The following HEPACAM variants were observed in gnomAD, a reference collection of about 807,000 sequenced individuals.
The protein encoded by HEPACAM is hepatic and glial cell adhesion molecule, also known as hepatocyte cell adhesion molecule.
Under a neutral mutation model 38.3 loss-of-function variants are expected in HEPACAM, and 18 were observed. The observed-to-expected ratio is 0.47, with a 90% confidence interval of 0.33 to 0.70. The LOEUF (loss-of-function observed/expected upper bound fraction) is 0.70, where lower values mean the gene tolerates loss of function less well. Among genes scored for constraint, HEPACAM ranks in the 30% least tolerant of loss-of-function variants. The probability of loss-of-function intolerance (pLI) is 0.03; values close to 1 mark genes in which losing one functional copy is unlikely to be tolerated. For missense variants in HEPACAM, 466 were observed against 563.0 expected (o/e 0.83, Z 1.74); for synonymous variants, 216 against 243.1 (o/e 0.89, Z 1.04).
chr11:124,921,464 G>T lies in HEPACAM; in HGVS notation c.949-24C>A. On this transcript the variant is annotated intron_variant, in intron 6 of 6. Transcript: ENST00000298251. This position sits in a 1 kb window ranked among gnomAD's most constrained non-coding sequence, Gnocchi z 4.6. The stretch of plus-strand genomic sequence containing the variant: ...TCCTGCAAGGACACGCGCCGCAGGG[G>T]TCAGGGGACAGTCAGCCCAGCCTGG... 1 of 1,244,074 alleles carries T rather than the reference G, an allele frequency of 8.0e-7. No individual in the cohort carries two copies. Among genetic ancestry groups the T allele is most frequent in the Non-Finnish European group, 1.0e-6 (1 of 990,726 alleles). The allele number at this position is 1,244,074 out of a possible 1,614,324, so 77.1% of individuals were successfully genotyped here. A position where few individuals can be genotyped will look rare whatever the true frequency, so the allele number is the denominator to read the frequency against.
chr11:124,929,509 CAGAA>C (rs1947258447), intron 1 of HEPACAM, among the ~76,000 whole-genome samples: 2 of 152,226 alleles, frequency 1.3e-5, no homozygotes, highest in South Asian at 4.2e-4. Flanking sequence ...AAGCACGACA[CAGAA>C]ATGAGGAAAT....
At chr11:124,927,600 C>T (rs147182021) in intron 1 of HEPACAM, among the ~76,000 whole-genome samples, 1 of 147,068 alleles carries the variant, frequency 6.8e-6, no homozygotes, top group African/African-American at 2.5e-5. Context: ...AACTCCTGAG[C>T]TCAAGCAATC....
chr11:124,920,036 T>C lies in HEPACAM; in HGVS notation c.*1102A>G. 1.2e-6 allele frequency: 2 copies of C among 1,606,702 alleles called. No homozygotes were observed. Among genetic ancestry groups the C allele is most frequent in the Non-Finnish European group, 1.7e-6 (2 of 1,176,144 alleles). ...AGTGTGATTAGGGAGTCTGCCCTTT[T>C]TCTGTGCCCTGGGACCTGAGCATGT... On this transcript the variant is annotated 3_prime_UTR_variant, in exon 7 of 7. Coordinates refer to ENST00000298251, the MANE Select transcript of HEPACAM (RefSeq NM_152722.5).
In HEPACAM at chr11:124,920,396, G is replaced by A; in HGVS notation, c.*742C>T. 1 of 1,548,418 alleles carries A rather than the reference G, an allele frequency of 6.5e-7. No individual in the cohort carries two copies. Reference sequence around the variant, plus strand: ...ATGAACAGAGACAGAAAGAGTGCTTGGCATGGCATGCCTCCGAGGGAGGCT... The same window carrying A: ...ATGAACAGAGACAGAAAGAGTGCTTAGCATGGCATGCCTCCGAGGGAGGCT... On this transcript the variant is annotated 3_prime_UTR_variant, in exon 7 of 7. Transcript: ENST00000298251.
intron 1 of HEPACAM, among the ~76,000 whole-genome samples, chr11:124,930,205 A>G (rs569324631): frequency 2.5e-4 from 38 of 152,344 alleles, no homozygotes; most frequent in Admixed American, 2.3e-3. Flanking sequence ...CCTAAAAGGA[A>G]AACATATTGT....
rs778336381 is a variant in HEPACAM at position 124,924,834 on chromosome 11, C to T, written c.321G>A (p.Leu107=). The change falls in exon 2 of 7, where the codon CTG becomes CTA. Residue 107 remains leucine (L), a synonymous_variant. Coordinates refer to ENST00000298251, the MANE Select transcript of HEPACAM (RefSeq NM_152722.5). The surrounding 1 kb of genome is among the most constrained non-coding windows in gnomAD (Gnocchi z 4.4). ...CGGCCAGCTGCAGGTCGCTGAGAAG[C>T]AGGGAGCCATTTTCAAAGAGTCGGA... ...DRIRLFENGS[L]LLSDLQLADE... 6.2e-7 allele frequency: 1 copy of T among 1,614,182 alleles called. No individual in the cohort carries two copies.
At chr11:124,931,333 A>G (rs1277348599) in intron 1 of HEPACAM, among the ~76,000 whole-genome samples, 2 of 152,126 alleles carry the variant, frequency 1.3e-5, no homozygotes, top group African/African-American at 4.8e-5. Flanking sequence ...TCAACCTCCC[A>G]AGTAGCTGGG....
intron 1 of HEPACAM, among the ~76,000 whole-genome samples, chr11:124,930,309 T>C (rs1232241229): frequency 6.6e-6 from 1 of 152,206 alleles, no homozygotes; most frequent in Non-Finnish European, 1.5e-5. Flanking sequence ...GCATCACTTA[T>C]TGTGTGGATG....
In HEPACAM at chr11:124,924,884, G is replaced by A; in HGVS notation, c.271C>T (p.Leu91=). The change falls in exon 2 of 7, where the codon CTG becomes TTG. Residue 91 remains leucine (L), a synonymous_variant. Coordinates refer to ENST00000298251, the MANE Select transcript of HEPACAM (RefSeq NM_152722.5). This position sits in a 1 kb window ranked among gnomAD's most constrained non-coding sequence, Gnocchi z 4.4. ...ATACGGTCTCGATAGTCAGGCCGCA[G>A]GGTGCCGATGACCTCTGTGCCAATG... ...QSIGTEVIGT[L]RPDYRDRIRL... The A allele has an allele frequency of 1.2e-6, 2 of 1,614,200 alleles. No individual in the cohort carries two copies. Among genetic ancestry groups the A allele is most frequent in the Non-Finnish European group, 1.7e-6 (2 of 1,180,034 alleles).
rs1947096743 is a variant in HEPACAM, at chr11:124,919,669, T to C, written c.*1469A>G. The stretch of plus-strand genomic sequence containing the variant: ...GGACAGGGAGCTGAGACAGGCATGC[T>C]GTGGGGTTCAGGGCAGAGGGGGCAA... On this transcript the variant is annotated 3_prime_UTR_variant, in exon 7 of 7. Transcript: ENST00000298251. The C allele has an allele frequency of 1.0e-5, 15 of 1,481,298 alleles. No homozygotes were observed. The highest frequency in any genetic ancestry group is 4.8e-4 in the Middle Eastern group (2 of 4,156). The allele number at this position is 1,481,298 out of a possible 1,614,324, so 91.8% of individuals were successfully genotyped here.
rs569533449 is a variant in HEPACAM at position 124,924,780 on chromosome 11, G to A, written c.375C>T (p.Ser125=). The A allele has an allele frequency of 1.2e-5, 20 of 1,614,160 alleles. No homozygotes were observed. In the African/African-American group the frequency reaches 2.4e-4, roughly 19 times the overall value. The change falls in exon 2 of 7, where the codon TCC becomes TCT. Residue 125 remains serine, a synonymous_variant. Transcript: ENST00000298251. This position sits in a 1 kb window ranked among gnomAD's most constrained non-coding sequence, Gnocchi z 4.4. ...ADEGTYEVEI[S]ITDDTFTGEK... The stretch of plus-strand genomic sequence containing the variant: ...CCCCAGTGAAGGTGTCGTCGGTGAT[G>A]GAGATCTCGACCTCATAGGTGCCCT...
rs556166086 is a variant in HEPACAM, at chr11:124,931,216, T to C, written c.85+4706A>G. ...TAATGGAAATACAATTTTAAACTTCTTTTTTTTCAGTGACAAGGTGTCACC... is the reference window on the plus strand; with the variant it reads ...TAATGGAAATACAATTTTAAACTTCCTTTTTTTCAGTGACAAGGTGTCACC... On this transcript the variant is annotated intron_variant, in intron 1 of 6. Transcript: ENST00000298251. Among the ~76,000 whole-genome samples, 5 of 152,178 alleles carry C rather than the reference T, an allele frequency of 3.3e-5. No homozygotes were observed. The East Asian group carries it at 5.8e-4, about 18-fold the overall frequency.
Position 124,922,443 on chromosome 11 carries a change from C to T in HEPACAM, c.893G>A (p.Arg298Gln), listed in dbSNP as rs1464489453. Residue 298 changes from arginine to glutamine, a missense_variant, in exon 6 of 7, where the codon CGA becomes CAA. Transcript: ENST00000298251. ...RLKPEADTLP[R>Q]SGEQERKNPM... is the part of the protein sequence containing the mutation. ...GTTCTTCCGTTCCTGCTCACCACTTCGAGGGAGGGTGTCTGCTGCACAGGG... is the reference window on the plus strand; with the variant it reads ...GTTCTTCCGTTCCTGCTCACCACTTTGAGGGAGGGTGTCTGCTGCACAGGG... 3.1e-6 allele frequency: 5 copies of T among 1,614,010 alleles called. No homozygotes were observed. The highest frequency in any genetic ancestry group is 1.1e-5 in the South Asian group (1 of 91,086).
chr11:124,935,135 A>C (rs1483685346), intron 1 of HEPACAM, among the ~76,000 whole-genome samples: 1 of 151,956 alleles, frequency 6.6e-6, no homozygotes, highest in Non-Finnish European at 1.5e-5. Context: ...CCTGTGTCCT[A>C]CCCTACCAAC....
rs534501732 is a variant in HEPACAM, at chr11:124,921,410, G to A, written c.979C>T (p.Pro327Ser). The A allele has an allele frequency of 4.7e-6, 6 of 1,270,818 alleles. No individual in the cohort carries two copies. Among genetic ancestry groups the A allele is most frequent in the African/African-American group, 3.1e-5 (2 of 65,124 alleles). 78.7% of individuals were successfully genotyped at this position (1,270,818 alleles called of 1,614,324 possible). A position where few individuals can be genotyped will look rare whatever the true frequency, so the allele number is the denominator to read the frequency against. The change falls in exon 7 of 7, where the codon CCG (proline) becomes TCG (serine). Residue 327 changes from proline to serine, a missense_variant. Physicochemically the swap from Pro to Ser is moderately conservative, Grantham distance 74. Coordinates refer to ENST00000298251, the MANE Select transcript of HEPACAM (RefSeq NM_152722.5). This position sits in a 1 kb window ranked among gnomAD's most constrained non-coding sequence, Gnocchi z 4.6. The stretch of plus-strand genomic sequence containing the variant: ...GGCTCCGTCGCGCTTCGAGGCTCCG[G>A]GGCCGGGTTCTCCTCGGTCTCCGGG... ...DSPETEENPA[P>S]EPRSATEPGP...
chr11:124,929,758 G>A (rs1415935007), intron 1 of HEPACAM, among the ~76,000 whole-genome samples: 1 of 152,084 alleles, frequency 6.6e-6, no homozygotes, highest in Non-Finnish European at 1.5e-5. Flanking sequence ...CTGCTGCGAT[G>A]CCGGGAATGT....
intron 1 of HEPACAM, among the ~76,000 whole-genome samples, chr11:124,934,521 A>G (rs1350995171): frequency 1.3e-5 from 2 of 151,128 alleles, no homozygotes; most frequent in Non-Finnish European, 2.9e-5. Flanking sequence ...AGACATGCAA[A>G]CACGGGGAAT....
At position 124,920,021 on chromosome 11, in the gene HEPACAM, G is replaced by A. The variant is rs373280677; in HGVS notation, c.*1117C>T. 18 of 1,610,518 alleles carry A rather than the reference G, an allele frequency of 1.1e-5. No homozygotes were observed. In the African/African-American group the frequency reaches 2.4e-4, roughly 22 times the overall value. On this transcript the variant is annotated 3_prime_UTR_variant, in exon 7 of 7. Coordinates refer to ENST00000298251, the MANE Select transcript of HEPACAM (RefSeq NM_152722.5). Reference sequence around the variant, plus strand: ...CTTTATTTTGATGTTAGTGTGATTAGGGAGTCTGCCCTTTTTCTGTGCCCT... The same window carrying A: ...CTTTATTTTGATGTTAGTGTGATTAAGGAGTCTGCCCTTTTTCTGTGCCCT...
Position 124,924,891 on chromosome 11 carries a change from G to A in HEPACAM, c.264C>T (p.Ile88=), listed in dbSNP as rs368573598. The change falls in exon 2 of 7, where the codon ATC becomes ATT. Residue 88 remains isoleucine, a synonymous_variant. Coordinates refer to ENST00000298251, the MANE Select transcript of HEPACAM (RefSeq NM_152722.5). This position sits in a 1 kb window ranked among gnomAD's most constrained non-coding sequence, Gnocchi z 4.4. ...TVVQSIGTEV[I]GTLRPDYRDR... Reference sequence around the variant, plus strand: ...CTCGATAGTCAGGCCGCAGGGTGCCGATGACCTCTGTGCCAATGGACTGCA... The same window carrying A: ...CTCGATAGTCAGGCCGCAGGGTGCCAATGACCTCTGTGCCAATGGACTGCA... 4.1e-5 allele frequency: 66 copies of A among 1,614,048 alleles called. No individual in the cohort carries two copies. Among genetic ancestry groups the A allele is most frequent in the Non-Finnish European group, 3.8e-5 (45 of 1,180,024 alleles).
Sources: gnomAD v4.1 joint callset for allele counts (sites outside exome capture counted in the v4.1 genomes callset) on GRCh38, gnomAD v4.1.1 for gene constraint, Gnocchi (gnomAD v3.1) non-coding constraint, MANE v1.5 for transcripts, NCBI Gene and HGNC (gene_info 2026-07-23, HGNC 2026-07-21) for gene names.